TRIP12: variants seen among roughly 807,000 people sequenced by gnomAD.
The protein encoded by TRIP12 is E3 ubiquitin-protein ligase TRIP12.
In TRIP12, 25 loss-of-function variants were observed where a neutral mutation model predicts 244.2. The observed-to-expected ratio is 0.10, with a 90% CI of 0.07 to 0.14. TRIP12 has a LOEUF of 0.14. Ranked by LOEUF, TRIP12 falls within the 10% of genes least tolerant of loss-of-function variation. The pLI is 1.00. For synonymous variants in TRIP12, 905 were observed against 873.1 expected (o/e 1.04, Z -0.64); for missense variants, 1,677 against 2,486.4 (o/e 0.67, Z 6.92).
At chr2:229,870,746 T>C (rs1478659033) in intron 2 of TRIP12, among the ~76,000 whole-genome samples, 2 of 152,300 alleles carry the variant, frequency 1.3e-5, no homozygotes, top group South Asian at 2.1e-4. Flanking sequence ...AGGAATTAAG[T>C]TTGGCATTTT....
At chr2:229,783,589 A>C (rs2039002868) in intron 34 of TRIP12, among the ~76,000 whole-genome samples, 1 of 152,228 alleles carries the variant, frequency 6.6e-6, no homozygotes, top group South Asian at 2.1e-4. Context: ...TATGTGCAAG[A>C]AAGACCTCTA....
At chr2:229,919,613 G>GA (rs879768973) in intron 1 of TRIP12, among the ~76,000 whole-genome samples, 61 of 135,676 alleles carry the variant, frequency 4.5e-4, no homozygotes, top group Admixed American at 9.5e-4. Flanking sequence ...GAAAGTAAAT[G>GA]AAAAAAAAAA....
intron 17 of TRIP12, 45 bp downstream of exon 17, chr2:229,807,663 C>T (rs773015656): frequency 1.2e-5 from 19 of 1,612,836 alleles, no homozygotes; most frequent in East Asian, 6.7e-5. Flanking sequence ...TACACCCACT[C>T]TCCAACAAAA....
At chr2:229,862,239 T>G (rs1414808379) in intron 2 of TRIP12, among the ~76,000 whole-genome samples, 1 of 152,230 alleles carries the variant, frequency 6.6e-6, no homozygotes, top group Non-Finnish European at 1.5e-5. Context: ...AAATTTTGCT[T>G]TAACCAATGA....
chr2:229,803,677 G>A lies in TRIP12; in HGVS notation c.2892C>T (p.Ser964=), dbSNP rs201583434. Residue 964 remains serine, a synonymous_variant, in exon 20 of 42, where the codon TCC becomes TCT. Coordinates refer to ENST00000675903, the MANE Select transcript of TRIP12 (RefSeq NM_001348323.3). ...KNHAVSSHIA[S]MLSSQDLKIV... ...TCTTCAGGTCTTGGCTTGACAGCAT[G>A]GAAGCAATGTGACTAAAAAAAGAAA... 10 of 1,597,946 alleles carry A rather than the reference G, an allele frequency of 6.3e-6. No individual in the cohort carries two copies. The highest frequency in any genetic ancestry group is 6.8e-6 in the Non-Finnish European group (8 of 1,175,508).
intron 1 of TRIP12, among the ~76,000 whole-genome samples, chr2:229,906,729 A>AC (rs2072953033): frequency 6.6e-6 from 1 of 151,728 alleles, no homozygotes; most frequent in South Asian, 2.1e-4. Flanking sequence ...CAAAACAAAA[A>AC]AAAAAAAAGA....
At chr2:229,792,371 T>G in intron 27 of TRIP12, 145 bp from the exon 28 acceptor site, 2 of 805,532 alleles carry the variant, frequency 2.5e-6, no homozygotes, top group Non-Finnish European at 3.9e-6. Context: ...CCCAGAAGTG[T>G]TTTAGATTTC....
chr2:229,803,932 G>C, intron 19 of TRIP12, 67 bp downstream of exon 19: 1 of 1,378,010 alleles, frequency 7.3e-7, no homozygotes, highest in Non-Finnish European at 9.8e-7. Flanking sequence ...TATTACTTTA[G>C]AGGTTTCTGA....
At position 229,859,158 on chromosome 2, in the gene TRIP12, G is replaced by A; in HGVS notation, c.641C>T (p.Ser214Phe). ...TGAAGCCAGCTTGGTAGGTTTCGCA[G>A]ATCTCTCTTCTGCACCAGTTGATTC... The part of the protein sequence containing the change: ...GSESTGAEER[S>F]AKPTKLASKS... Residue 214 changes from serine to phenylalanine, a missense_variant, in exon 4 of 42, where the codon TCT becomes TTT. Ser to Phe is a radical substitution (Grantham distance 155). Around this residue, in one of 11 missense-constraint regions of TRIP12, gnomAD observed 387 missense variants for 392.6 expected, o/e 0.99. Transcript: ENST00000675903. 1 of 1,614,168 alleles carries A rather than the reference G, an allele frequency of 6.2e-7. No individual in the cohort carries two copies. The highest frequency in any genetic ancestry group is 8.5e-7 in the Non-Finnish European group (1 of 1,180,026).
chr2:229,858,824 A>C lies in TRIP12; in HGVS notation c.975T>G (p.Ser325=), dbSNP rs754491593. 2 of 1,613,054 alleles carry C rather than the reference A, an allele frequency of 1.2e-6. No homozygotes were observed. The highest frequency in any genetic ancestry group is 1.1e-5 in the South Asian group (1 of 91,060). The change falls in exon 4 of 42, where the codon TCT becomes TCG. Residue 325 remains serine, a synonymous_variant. Transcript: ENST00000675903. ...PKTKLSLPGS[S]KSETSKPGPS... is the part of the protein sequence containing the mutation. Reference sequence around the variant, plus strand: ...GTCCAGGTTTTGATGTCTCTGACTTAGAAGACCCTGGAAGAGACAGTTTTG... The same window carrying C: ...GTCCAGGTTTTGATGTCTCTGACTTCGAAGACCCTGGAAGAGACAGTTTTG...
rs1243365328 is a variant in TRIP12 at position 229,767,184 on chromosome 2, T to A, written c.*370A>T. On this transcript the variant is annotated 3_prime_UTR_variant, in exon 42 of 42. Coordinates refer to ENST00000675903, the MANE Select transcript of TRIP12 (RefSeq NM_001348323.3). ...TTTGGAGGAAAGAAAACTGCAGACT[T>A]AGCTAGATGGATACACACAGCCCAG... 2 of 173,938 alleles carry A rather than the reference T, an allele frequency of 1.1e-5. No homozygotes were observed. The highest frequency in any genetic ancestry group is 2.4e-5 in the Non-Finnish European group (2 of 82,788). 10.8% of individuals were successfully genotyped at this position (173,938 alleles called of 1,614,324 possible). A position where few individuals can be genotyped will look rare whatever the true frequency, so the allele number is the denominator to read the frequency against.
intron 2 of TRIP12, among the ~76,000 whole-genome samples, chr2:229,866,451 T>A (rs1442530007): frequency 6.6e-6 from 1 of 152,230 alleles, no homozygotes; most frequent in Non-Finnish European, 1.5e-5. Flanking sequence ...TTCCTTTTGT[T>A]TATCTTTGTA....
chr2:229,837,117 C>G, intron 5 of TRIP12, 133 bp from the exon 6 acceptor site: 8 of 924,730 alleles, frequency 8.7e-6, no homozygotes, highest in Non-Finnish European at 1.2e-5. Context: ...AAAGTAAGTG[C>G]ACAAAATCAC....
chr2:229,826,085 G>A (rs1414015405), intron 8 of TRIP12, among the ~76,000 whole-genome samples: 1 of 152,078 alleles, frequency 6.6e-6, no homozygotes, highest in Non-Finnish European at 1.5e-5. Flanking sequence ...AATTTTTCCT[G>A]TATCAACTAT....
chr2:229,836,146 T>C (rs2054762757), intron 6 of TRIP12, among the ~76,000 whole-genome samples: 1 of 152,230 alleles, frequency 6.6e-6, no homozygotes, highest in South Asian at 2.1e-4. Context: ...ATATCTTTAT[T>C]CAAAAGGAAG....
chr2:229,821,641 A>G (rs2050081067), intron 8 of TRIP12, among the ~76,000 whole-genome samples: 1 of 152,204 alleles, frequency 6.6e-6, no homozygotes, highest in Admixed American at 6.5e-5. Flanking sequence ...AAATGTTTTC[A>G]GCCACGTAAA....
At chr2:229,868,714 C>T (rs1338985957) in intron 2 of TRIP12, among the ~76,000 whole-genome samples, 2 of 152,056 alleles carry the variant, frequency 1.3e-5, no homozygotes, top group Non-Finnish European at 2.9e-5. Flanking sequence ...GCACTCACAC[C>T]GGTTAAACAG....
intron 6 of TRIP12, among the ~76,000 whole-genome samples, chr2:229,835,796 G>C (rs560983001): frequency 6.6e-6 from 1 of 152,290 alleles, no homozygotes; most frequent in East Asian, 1.9e-4. Flanking sequence ...ATAAACATTA[G>C]AAGACTGGGA....
chr2:229,840,281 A>G (rs2056064740), intron 5 of TRIP12, among the ~76,000 whole-genome samples: 1 of 152,388 alleles, frequency 6.6e-6, no homozygotes, highest in South Asian at 2.1e-4. Flanking sequence ...AGATAAAAGT[A>G]TCGTCAAGAA....
Sources: allele counts gnomAD v4.1 joint callset (sites outside exome capture counted in the v4.1 genomes callset), GRCh38; gene constraint gnomAD v4.1.1; regional missense constraint gnomAD v4.1.1; transcripts MANE v1.5; gene names NCBI Gene and HGNC (gene_info 2026-07-23, HGNC 2026-07-21).